The following KLHDC3 variants were observed in gnomAD, a reference collection of about 807,000 sequenced individuals.
KLHDC3 encodes the protein kelch domain containing 3.
In KLHDC3, 5 loss-of-function variants were observed where a neutral mutation model predicts 44.1. That is an observed-to-expected ratio of 0.11 (90% confidence interval 0.06 to 0.24). KLHDC3 has a LOEUF of 0.24. KLHDC3 is among the 10% of genes least tolerant of loss of function. The pLI is 1.00. For synonymous variants in KLHDC3, 170 were observed against 189.0 expected (o/e 0.90, Z 0.82); for missense variants, 247 against 514.3 (o/e 0.48, Z 5.03).
At position 43,018,133 on chromosome 6, in the gene KLHDC3, C is replaced by G; in HGVS notation, c.448-12C>G. ...CTCCCTCTTTTCTTCCTCCTTTTCT[C>G]TTCCTACTCAGGCGGACTGTTTTTC... On this transcript the variant is annotated splice_polypyrimidine_tract_variant and intron_variant, in intron 4 of 10. Coordinates refer to ENST00000326974, the MANE Select transcript of KLHDC3 (RefSeq NM_057161.4). This position sits in a 1 kb window ranked among gnomAD's most constrained non-coding sequence, Gnocchi z 6.0. The G allele has an allele frequency of 6.3e-7, 1 of 1,595,798 alleles. No homozygotes were observed. Among genetic ancestry groups the G allele is most frequent in the Non-Finnish European group, 8.6e-7 (1 of 1,163,472 alleles).
At position 43,017,963 on chromosome 6, in the gene KLHDC3, C is replaced by A. The variant is rs764334183; in HGVS notation, c.442C>A (p.Gln148Lys). 24 of 1,611,446 alleles carry A rather than the reference C, an allele frequency of 1.5e-5. No individual in the cohort carries two copies. The highest frequency in any genetic ancestry group is 2.0e-5 in the Non-Finnish European group (23 of 1,177,750). The change falls in exon 4 of 11, where the codon CAG becomes AAG. Residue 148 changes from glutamine (Q) to lysine (K), a missense_variant. Physicochemically the swap from Gln to Lys is moderately conservative, Grantham distance 53. This residue lies in a region of KLHDC3 where 176 missense variants were observed against 413.5 expected (regional missense o/e 0.43). Transcript: ENST00000326974. This position sits in a 1 kb window ranked among gnomAD's most constrained non-coding sequence, Gnocchi z 6.0. ...CATGTACATTTTTGGGGGCTACGAG[C>A]AGCAGGTAGGTCTGGGAATAAAATA... ...KIMYIFGGYEQQADCFSNDIH... is the reference protein window; with the variant it reads ...KIMYIFGGYEKQADCFSNDIH...
intron 9 of KLHDC3, 46 bp from the exon 10 acceptor site, chr6:43,019,241 CT>C (rs778177732): frequency 7.7e-5 from 120 of 1,557,058 alleles, no homozygotes; most frequent in Non-Finnish European, 1.0e-4. Context: ...GGACTGGATC[CT>C]TTCCTCACCT....
chr6:43,016,504 A>G (rs1005567443), intron 1 of KLHDC3: 4 of 152,386 alleles, frequency 2.6e-5, no homozygotes, highest in African/African-American at 7.2e-5. Context: ...GGTGACCCCA[A>G]TGACAACAAC....
Position 43,018,008 on chromosome 6 carries a change from G to C in KLHDC3, c.447+40G>C. On this transcript the variant is annotated intron_variant, in intron 4 of 10. Coordinates refer to ENST00000326974, the MANE Select transcript of KLHDC3 (RefSeq NM_057161.4). The surrounding 1 kb of genome is among the most constrained non-coding windows in gnomAD (Gnocchi z 6.0). The stretch of plus-strand genomic sequence containing the variant: ...AAAATAAGAGGTTTAGGGTGGGACT[G>C]AGAAAGAGGGGAAGGGCAATTTAGG... 6.4e-7 allele frequency: 1 copy of C among 1,551,428 alleles called. No homozygotes were observed. The highest frequency in any genetic ancestry group is 8.9e-7 in the Non-Finnish European group (1 of 1,123,138).
chr6:43,019,327 A>G lies in KLHDC3; in HGVS notation c.1043A>G (p.Gln348Arg). 6.2e-7 allele frequency: 1 copy of G among 1,613,972 alleles called. No homozygotes were observed. Among genetic ancestry groups the G allele is most frequent in the Non-Finnish European group, 8.5e-7 (1 of 1,179,850 alleles). ...ACTCTGTGCAAACTGGCCGTGATTC[A>G]GTATAACCTAGACCAGTCCTGTTTG... ...LKTLCKLAVIQYNLDQSCLPH... is the reference protein window; with the variant it reads ...LKTLCKLAVIRYNLDQSCLPH... Residue 348 changes from glutamine to arginine, a missense_variant, in exon 10 of 11, where the codon CAG becomes CGG. By Grantham distance (43) the Gln-to-Arg change is conservative. This residue lies in a region of KLHDC3 where 176 missense variants were observed against 413.5 expected (regional missense o/e 0.43). Coordinates refer to ENST00000326974, the MANE Select transcript of KLHDC3 (RefSeq NM_057161.4).
chr6:43,015,187 A>C (rs1268136877), intron 1 of KLHDC3, among the ~76,000 whole-genome samples: 4 of 152,074 alleles, frequency 2.6e-5, no homozygotes, highest in Non-Finnish European at 4.4e-5. Context: ...CCCAGACCCA[A>C]GATATTTTGG....
intron 1 of KLHDC3, 145 bp downstream of exon 1, chr6:43,014,493 A>C (rs1438514834): frequency 8.1e-6 from 4 of 491,794 alleles, no homozygotes; most frequent in African/African-American, 7.8e-5. Context: ...GGAGAGTGTT[A>C]ATGGGGAAAG....
At chr6:43,020,620 G>A in intron 10 of KLHDC3, 47 bp from the exon 11 acceptor site, 2 of 1,489,348 alleles carry the variant, frequency 1.3e-6, no homozygotes, top group Non-Finnish European at 1.9e-6. Context: ...CCTTAGCTTG[G>A]GCTGAGGGCC....
Position 43,017,632 on chromosome 6 carries a change from C to T in KLHDC3, c.268C>T (p.Leu90Phe). Residue 90 changes from leucine (L) to phenylalanine (F), a missense_variant, in exon 3 of 11, where the codon CTC becomes TTC. Physicochemically the swap from Leu to Phe is conservative, Grantham distance 22. Around this residue, in one of 2 missense-constraint regions of KLHDC3, gnomAD observed 176 missense variants for 413.5 expected, o/e 0.43. Transcript: ENST00000326974. This position sits in a 1 kb window ranked among gnomAD's most constrained non-coding sequence, Gnocchi z 6.0. The part of the protein sequence containing the change: ...HSTVLIDDTV[L>F]LWGGRNDTEG... ...AACCGTCCTCATCGACGACACAGTC[C>T]TCCTTTGGGGCGGGCGGAATGACAC... is the stretch of plus-strand genomic sequence containing the variant. 1 of 1,614,144 alleles carries T rather than the reference C, an allele frequency of 6.2e-7. No homozygotes were observed. Among genetic ancestry groups the T allele is most frequent in the Non-Finnish European group, 8.5e-7 (1 of 1,180,002 alleles).
chr6:43,017,074 G>A lies in KLHDC3; in HGVS notation c.-59-60G>A. On this transcript the variant is annotated intron_variant, in intron 1 of 10. Coordinates refer to ENST00000326974, the MANE Select transcript of KLHDC3 (RefSeq NM_057161.4). The surrounding 1 kb of genome is among the most constrained non-coding windows in gnomAD (Gnocchi z 6.0). ...GAGGCAAAGGCTGGTTCTGGGCAGA[G>A]TCACAGTGAGCTGGGCAGAAGCCTC... is the stretch of plus-strand genomic sequence containing the variant. 1 of 1,226,640 alleles carries A rather than the reference G, an allele frequency of 8.2e-7. No homozygotes were observed. The highest frequency in any genetic ancestry group is 1.1e-6 in the Non-Finnish European group (1 of 870,434). The allele number at this position is 1,226,640 out of a possible 1,614,324, so 76.0% of individuals were successfully genotyped here. A position where few individuals can be genotyped will look rare whatever the true frequency, so the allele number is the denominator to read the frequency against.
Position 43,017,863 on chromosome 6 carries a change from G to A in KLHDC3, c.342G>A (p.Lys114=), listed in dbSNP as rs1262153361. The change falls in exon 4 of 11, where the codon AAG becomes AAA. Residue 114 remains lysine, a synonymous_variant. Transcript: ENST00000326974. This position sits in a 1 kb window ranked among gnomAD's most constrained non-coding sequence, Gnocchi z 6.0. ...VLYAFDVNTH[K]WFTPRVSGTV... ...TCTCATCTCCTTCAGATACGCACAA[G>A]TGGTTCACACCCCGAGTGTCAGGGA... 2 of 1,613,624 alleles carry A rather than the reference G, an allele frequency of 1.2e-6. No individual in the cohort carries two copies. Among genetic ancestry groups the A allele is most frequent in the South Asian group, 2.2e-5 (2 of 91,082 alleles).
intron 1 of KLHDC3, among the ~76,000 whole-genome samples, chr6:43,014,996 G>A (rs543031531): frequency 6.6e-6 from 1 of 152,240 alleles, no homozygotes; most frequent in African/African-American, 2.4e-5. Flanking sequence ...TTGAATTTGA[G>A]TTGTTTATAT....
At chr6:43,014,714 T>G in intron 1 of KLHDC3, 1 of 434,250 alleles carries the variant, frequency 2.3e-6, no homozygotes, top group Non-Finnish European at 4.7e-6. Flanking sequence ...GGTATCGTGG[T>G]CAGTGCATGC....
chr6:43,020,599 G>A, intron 10 of KLHDC3, 68 bp from the exon 11 acceptor site: 1 of 1,315,506 alleles, frequency 7.6e-7, no homozygotes, highest in Non-Finnish European at 1.1e-6. Flanking sequence ...TTTTAGCTTG[G>A]TTCAAACATC....
intron 1 of KLHDC3, chr6:43,014,678 CAG>C (rs1370598724): frequency 2.2e-6 from 1 of 454,848 alleles, no homozygotes; most frequent in African/African-American, 2.0e-5. Flanking sequence ...TGGAAGAAGA[CAG>C]GGATAGAGTC....
Position 43,021,015 on chromosome 6 carries a change from G to T in KLHDC3, c.*282G>T. Reference sequence around the variant, plus strand: ...CCTCAGCTCTGCCCAGGGCCAGCCAGGTTCTGCTGGGAAGGGAAGGGAATG... The same window carrying T: ...CCTCAGCTCTGCCCAGGGCCAGCCATGTTCTGCTGGGAAGGGAAGGGAATG... On this transcript the variant is annotated 3_prime_UTR_variant, in exon 11 of 11. Transcript: ENST00000326974. The T allele has an allele frequency of 1.7e-6, 1 of 589,046 alleles. No individual in the cohort carries two copies. Among genetic ancestry groups the T allele is most frequent in the Non-Finnish European group, 3.2e-6 (1 of 312,818 alleles). 36.5% of individuals were successfully genotyped at this position (589,046 alleles called of 1,614,324 possible).
In KLHDC3 at chr6:43,017,811, CAT is replaced by C; in HGVS notation, c.332-40_332-39del. ...TACCCCAGAGCTGAGGAGGGACTGT[CAT>C]AGAGGGTGCTTAGTTGAGCCATTTT... is the stretch of plus-strand genomic sequence containing the variant. On this transcript the variant is annotated intron_variant, in intron 3 of 10. Transcript: ENST00000326974. This position sits in a 1 kb window ranked among gnomAD's most constrained non-coding sequence, Gnocchi z 6.0. 5 of 1,590,644 alleles carry C rather than the reference CAT, an allele frequency of 3.1e-6. No individual in the cohort carries two copies. Among genetic ancestry groups the C allele is most frequent in the Non-Finnish European group, 3.4e-6 (4 of 1,160,506 alleles).
At chr6:43,014,469 G>A (rs1468344232) in intron 1 of KLHDC3, 121 bp downstream of exon 1, 8 of 523,534 alleles carry the variant, frequency 1.5e-5, no homozygotes, top group Middle Eastern at 3.1e-4. Context: ...GGGAGCTAGG[G>A]GGATGATGGG....
Position 43,017,200 on chromosome 6 carries a change from G to A in KLHDC3, c.8G>A (p.Arg3Gln), listed in dbSNP as rs767627924. Residue 3 changes from arginine to glutamine, a missense_variant, in exon 2 of 11, where the codon CGG becomes CAG. This residue lies in a region of KLHDC3 where 71 missense variants were observed against 100.8 expected (regional missense o/e 0.70). Coordinates refer to ENST00000326974, the MANE Select transcript of KLHDC3 (RefSeq NM_057161.4). This position sits in a 1 kb window ranked among gnomAD's most constrained non-coding sequence, Gnocchi z 6.0. ...TAACCAGTGGCCCAGGGGATGTTAC[G>A]GTGGACAGTGCACCTGGAGGGCGGG... ML[R>Q]WTVHLEGGPR... 6.0e-5 allele frequency: 96 copies of A among 1,612,918 alleles called. No individual in the cohort carries two copies. Among genetic ancestry groups the A allele is most frequent in the Non-Finnish European group, 7.5e-5 (88 of 1,179,796 alleles).
Sources: allele counts gnomAD v4.1 joint callset (sites outside exome capture counted in the v4.1 genomes callset), GRCh38; gene constraint gnomAD v4.1.1; regional missense constraint gnomAD v4.1.1; non-coding constraint Gnocchi (gnomAD v3.1); transcripts MANE v1.5; gene names NCBI Gene and HGNC (gene_info 2026-07-23, HGNC 2026-07-21).